Variants in SACS observed in about 807,000 individuals in gnomAD.
The protein encoded by SACS is sacsin molecular chaperone.
A neutral mutation model predicts 348.0 loss-of-function variants in SACS; 197 were observed. The ratio of observed to expected loss-of-function variants is 0.57; its 90% CI spans 0.50 to 0.64. SACS has a LOEUF of 0.64. Ranked by LOEUF, SACS falls within the 30% of genes least tolerant of loss-of-function variation. SACS has a pLI of 0.00. For synonymous variants in SACS, 1,985 were observed against 1,910.6 expected (o/e 1.04, Z -1.02); for missense variants, 4,999 against 5,360.8 (o/e 0.93, Z 2.11).
chr13:23,386,996 T>C (rs1487168698), intron 2 of SACS, among the ~76,000 whole-genome samples: 2 of 152,102 alleles, frequency 1.3e-5, no homozygotes, highest in Non-Finnish European at 2.9e-5. Context: ...ACACCATAGA[T>C]TAGTAATCAC....
At position 23,334,639 on chromosome 13, in the gene SACS, A is replaced by G; in HGVS notation, c.9237T>C (p.Leu3079=). Residue 3079 remains leucine, a synonymous_variant, in exon 10 of 10, where the codon CTT becomes CTC. Coordinates refer to ENST00000382292, the MANE Select transcript of SACS (RefSeq NM_014363.6). ...TATCTGCATCTATAAGACAGTGGTA[A>G]AGATTAGCAGTTTCATCACAGTTAT... ...LVYNCDETAN[L]YHCLIDADIP... 6.2e-7 allele frequency: 1 copy of G among 1,613,610 alleles called. No homozygotes were observed.
rs749291377 is a variant in SACS, at chr13:23,335,425, C to G, written c.8451G>C (p.Thr2817=). ...DTEDSEGNLT[T]WLICNRSGFS... is the part of the protein sequence containing the mutation. ...AGCCTGATCTATTACAAATTAGCCA[C>G]GTAGTAAGATTTCCTTCAGAGTCCT... Residue 2817 remains threonine, a synonymous_variant, in exon 10 of 10, where the codon ACG becomes ACC. Coordinates refer to ENST00000382292, the MANE Select transcript of SACS (RefSeq NM_014363.6). This position sits in a 1 kb window ranked among gnomAD's most constrained non-coding sequence, Gnocchi z 4.7. 14 of 1,613,774 alleles carry G rather than the reference C, an allele frequency of 8.7e-6. No individual in the cohort carries two copies. Among genetic ancestry groups the G allele is most frequent in the Non-Finnish European group, 1.1e-5 (13 of 1,179,894 alleles).
At position 23,340,387 on chromosome 13, in the gene SACS, C is replaced by G; in HGVS notation, c.3489G>C (p.Arg1163Ser). The change falls in exon 10 of 10, where the codon AGG becomes AGC. Residue 1163 changes from arginine (R) to serine (S), a missense_variant. Physicochemically the swap from Arg to Ser is moderately radical, Grantham distance 110. Around this residue, in one of 6 missense-constraint regions of SACS, gnomAD observed 3,156 missense variants for 3,380.1 expected, o/e 0.93. Transcript: ENST00000382292. The stretch of plus-strand genomic sequence containing the variant: ...CCAAAGAGCCTGGATAATTTGGAGG[C>G]CTTTCCTTGCAGGCTGGAACCCATT... ...KIKWVPACKE[R>S]PPNYPGSLVW... 1 of 1,614,112 alleles carries G rather than the reference C, an allele frequency of 6.2e-7. No homozygotes were observed. The highest frequency in any genetic ancestry group is 1.3e-5 in the African/African-American group (1 of 75,026).
chr13:23,345,431 A>G (rs1361614328), intron 9 of SACS, among the ~76,000 whole-genome samples: 1 of 152,216 alleles, frequency 6.6e-6, no homozygotes, highest in Non-Finnish European at 1.5e-5. Flanking sequence ...AAGTCCAGCA[A>G]GCCAGGGTGG....
At chr13:23,396,371 C>A (rs1038822726) in intron 2 of SACS, among the ~76,000 whole-genome samples, 2 of 151,388 alleles carry the variant, frequency 1.3e-5, no homozygotes, top group Admixed American at 6.6e-5. Context: ...CCTAAAACTC[C>A]CAGAAATCCA....
chr13:23,362,137 A>T (rs1870774340), intron 6 of SACS, among the ~76,000 whole-genome samples: 3 of 152,204 alleles, frequency 2.0e-5, no homozygotes, highest in Admixed American at 6.5e-5. Flanking sequence ...TGACTGAAAT[A>T]GCTCCCTCTG....
intron 1 of SACS, chr13:23,428,055 C>A (rs3934316): frequency 3.1e-4 from 47 of 152,252 alleles, no homozygotes; most frequent in Middle Eastern, 3.4e-3. Flanking sequence ...CCTGGCAGAA[C>A]AGCTTGAGTT....
intron 2 of SACS, among the ~76,000 whole-genome samples, chr13:23,390,078 G>A (rs572831850): frequency 1.3e-5 from 2 of 151,616 alleles, no homozygotes; most frequent in South Asian, 4.2e-4. Flanking sequence ...CTTTCTACAG[G>A]GTATAGAATT....
intron 1 of SACS, among the ~76,000 whole-genome samples, chr13:23,426,395 C>G (rs764910965): frequency 2.6e-5 from 4 of 152,172 alleles, no homozygotes; most frequent in Non-Finnish European, 2.9e-5. Flanking sequence ...AATCCCAGCA[C>G]TTTGGGAAGC....
intron 2 of SACS, among the ~76,000 whole-genome samples, chr13:23,391,653 C>G (rs754965936): frequency 6.6e-6 from 1 of 152,180 alleles, no homozygotes; most frequent in Non-Finnish European, 1.5e-5. Flanking sequence ...ACTACTTTCC[C>G]CAAGTTCCAG....
chr13:23,332,903 C>T lies in SACS; in HGVS notation c.10973G>A (p.Arg3658Gln), dbSNP rs775194180. ...LSLIPFLCPERAPAEFIRFHP... is the reference protein window; with the variant it reads ...LSLIPFLCPEQAPAEFIRFHP... ...AAATCTAATGAATTCCGCGGGGGCC[C>T]GCTCAGGACATAAGAATGGTATTAA... Residue 3658 changes from arginine (R) to glutamine (Q), a missense_variant, in exon 10 of 10, where the codon CGG becomes CAG. Physicochemically the swap from Arg to Gln is conservative, Grantham distance 43 (BLOSUM62 1). Around this residue, in one of 6 missense-constraint regions of SACS, gnomAD observed 831 missense variants for 941.8 expected, o/e 0.88. Coordinates refer to ENST00000382292, the MANE Select transcript of SACS (RefSeq NM_014363.6). The T allele has an allele frequency of 2.4e-5, 39 of 1,613,716 alleles. No homozygotes were observed. The highest frequency in any genetic ancestry group is 3.3e-5 in the South Asian group (3 of 91,086).
At chr13:23,409,040 CTTTTTTTTTTTTTTT>C (rs1175897856) in intron 2 of SACS, among the ~76,000 whole-genome samples, 32 of 35,148 alleles carry the variant, frequency 9.1e-4, no homozygotes, top group African/African-American at 2.8e-3. Context: ...ACAAGTTTTA[CTTTTTTTTTTTTTTT>C]TTTTTTTTTT....
chr13:23,420,705 G>A (rs546663935), intron 1 of SACS, among the ~76,000 whole-genome samples: 13 of 151,826 alleles, frequency 8.6e-5, no homozygotes, highest in South Asian at 2.1e-4. Flanking sequence ...AGTGTTTCCC[G>A]GTGCCTGAGG....
At chr13:23,403,939 A>G (rs9552951) in intron 2 of SACS, among the ~76,000 whole-genome samples, 60,984 of 152,030 alleles carry the variant, frequency 0.4, 12,795 homozygotes, top group East Asian at 0.55. Flanking sequence ...ATTCTGGTAC[A>G]TTGTGTCTTT....
chr13:23,338,520 C>G lies in SACS; in HGVS notation c.5356G>C (p.Asp1786His), dbSNP rs763496360. The G allele has an allele frequency of 1.2e-6, 2 of 1,614,216 alleles. No homozygotes were observed. Among genetic ancestry groups the G allele is most frequent in the South Asian group, 1.1e-5 (1 of 91,088 alleles). The stretch of plus-strand genomic sequence containing the variant: ...TCAAAGAGAGCAGCTGGGTCATCAT[C>G]TGGACCTCTAAAAAGTGGCGACTGT... Reference protein sequence around the residue: ...DLQSPLFRGPDDDPAALFEMA... With the variant: ...DLQSPLFRGPHDDPAALFEMA... Residue 1786 changes from aspartate (D) to histidine (H), a missense_variant, in exon 10 of 10, where the codon GAT (aspartate) becomes CAT (histidine). By Grantham distance (81) the Asp-to-His change is moderately conservative (BLOSUM62 -1). Around this residue, in one of 6 missense-constraint regions of SACS, gnomAD observed 3,156 missense variants for 3,380.1 expected, o/e 0.93. Transcript: ENST00000382292.
Position 23,336,219 on chromosome 13 carries a change from C to A in SACS, c.7657G>T (p.Ala2553Ser). The A allele has an allele frequency of 6.2e-7, 1 of 1,614,064 alleles. No individual in the cohort carries two copies. Among genetic ancestry groups the A allele is most frequent in the South Asian group, 1.1e-5 (1 of 91,072 alleles). The part of the protein sequence containing the change: ...KEMLKELLQN[A>S]DDAKATEICF... ...ATTTCTGTCGCCTTTGCATCATCAG[C>A]ATTTTGAAGAAGCTCTTTCAACATT... The change falls in exon 10 of 10, where the codon GCT (alanine) becomes TCT (serine). Residue 2553 changes from alanine to serine, a missense_variant. By Grantham distance (99) the Ala-to-Ser change is moderately conservative (BLOSUM62 1). Coordinates refer to ENST00000382292, the MANE Select transcript of SACS (RefSeq NM_014363.6).
chr13:23,394,612 G>A (rs1055268166), intron 2 of SACS, among the ~76,000 whole-genome samples: 1 of 152,230 alleles, frequency 6.6e-6, no homozygotes, highest in East Asian at 1.9e-4. Flanking sequence ...CCAGCACTTT[G>A]GGAGGCTGAG....
chr13:23,352,879 C>T (rs1305884981), intron 9 of SACS, among the ~76,000 whole-genome samples: 2 of 152,184 alleles, frequency 1.3e-5, no homozygotes, highest in Non-Finnish European at 2.9e-5. Context: ...ACTTGCCTCT[C>T]CCATTCCAAC....
At chr13:23,419,101 C>T (rs1873808201) in intron 1 of SACS, 1 of 152,586 alleles carries the variant, frequency 6.6e-6, no homozygotes, top group African/African-American at 2.4e-5. Context: ...GGGCTGGTGC[C>T]TGGGAGCAAG....
Sources: gnomAD v4.1 joint callset for allele counts (sites outside exome capture counted in the v4.1 genomes callset) on GRCh38, gnomAD v4.1.1 for gene constraint, gnomAD v4.1.1 regional missense constraint, Gnocchi (gnomAD v3.1) non-coding constraint, MANE v1.5 for transcripts, NCBI Gene and HGNC (gene_info 2026-07-23, HGNC 2026-07-21) for gene names.